Variants in JAKMIP1 observed in about 807,000 individuals in gnomAD.
JAKMIP1 encodes janus kinase and microtubule interacting protein 1.
In JAKMIP1, 33 loss-of-function variants were observed where a neutral mutation model predicts 113.0. The ratio of observed to expected loss-of-function variants is 0.29; its 90% CI spans 0.22 to 0.39. The LOEUF (loss-of-function observed/expected upper bound fraction) is 0.39, where lower values mean the gene tolerates loss of function less well. JAKMIP1 is among the 10% of genes least tolerant of loss of function. The pLI, the probability that JAKMIP1 is intolerant of heterozygous loss-of-function variation, is 1.00. For synonymous variants in JAKMIP1, 480 were observed against 459.9 expected, an observed-to-expected ratio of 1.04 and a Z score of -0.56; for missense variants, 813 against 1,080.5, an observed-to-expected ratio of 0.75 and a Z score of 3.47.
chr4:6,063,195 T>G (rs1717561910), intron 9 of JAKMIP1, among the ~76,000 whole-genome samples: 2 of 150,858 alleles, frequency 1.3e-5, no homozygotes, highest in South Asian at 4.2e-4. Context: ...ACGAAGGAGC[T>G]CCATGCATGG....
In JAKMIP1 at chr4:6,040,487, C is replaced by T. The variant is rs1033151025; in HGVS notation, c.2175+152G>A. The stretch of plus-strand genomic sequence containing the variant: ...GATTTGGAAAAAGGGACAGTCTGTA[C>T]GGTCATTCCAGTCACAAGGTGGAGA... On this transcript the variant is annotated intron_variant, in intron 18 of 20. Transcript: ENST00000409021. The surrounding 1 kb of genome is among the most constrained non-coding windows in gnomAD (Gnocchi z 5.8). Among the ~76,000 whole-genome samples, 16 of 152,172 alleles carry T rather than the reference C, an allele frequency of 1.1e-4. No individual in the cohort carries two copies. Among genetic ancestry groups the T allele is most frequent in the African/African-American group, 3.9e-4 (16 of 41,448 alleles).
In JAKMIP1 at chr4:6,080,984, T is replaced by TTTACACACACACACACAC. The variant is rs71640240; in HGVS notation, c.1101+624_1101+625insGTGTGTGTGTGTGTGTAA. Among the ~76,000 whole-genome samples, 4 of 140,982 alleles carry TTTACACACACACACACAC rather than the reference T, an allele frequency of 2.8e-5. No individual in the cohort carries two copies. Among genetic ancestry groups the TTTACACACACACACACAC allele is most frequent in the Non-Finnish European group, 6.1e-5 (4 of 66,100 alleles). The allele number at this position is 140,982 out of a possible 152,430, so 92.5% of individuals were successfully genotyped here. The stretch of plus-strand genomic sequence containing the variant: ...GGAGAGGACTTCACACAACAGCAAT[T>TTTACACACACACACACAC]ACACACACACACACACACACACACA... On this transcript the variant is annotated intron_variant, in intron 6 of 20. Coordinates refer to ENST00000409021, the MANE Select transcript of JAKMIP1 (RefSeq NM_001099433.2). The surrounding 1 kb of genome is among the most constrained non-coding windows in gnomAD (Gnocchi z 6.0).
intron 13 of JAKMIP1, among the ~76,000 whole-genome samples, chr4:6,052,592 G>C (rs888544194): frequency 5.0e-4 from 72 of 144,392 alleles, no homozygotes; most frequent in African/African-American, 1.8e-3. Context: ...GTTGCAGTGA[G>C]CCAAGAGTGC....
intron 1 of JAKMIP1, among the ~76,000 whole-genome samples, chr4:6,145,634 A>G (rs10937704): frequency 0.49 from 75,180 of 152,132 alleles, 22,341 homozygotes; most frequent in East Asian, 0.79. Context: ...GAAACAACCT[A>G]TATTTGTGTG....
chr4:6,115,764 A>G (rs1418188582), intron 1 of JAKMIP1, among the ~76,000 whole-genome samples: 1 of 152,216 alleles, frequency 6.6e-6, no homozygotes, highest in African/African-American at 2.4e-5. Context: ...GCCAGGAAGG[A>G]CACCACTAAA....
intron 1 of JAKMIP1, among the ~76,000 whole-genome samples, chr4:6,132,647 T>TAAA (rs71646639): frequency 0.19 from 22,443 of 117,310 alleles, 1,900 homozygotes; most frequent in East Asian, 0.52. Context: ...GCCTCAAAAA[T>TAAA]AAAAAAAAAA....
chr4:6,148,457 T>G (rs1417047255), intron 1 of JAKMIP1, among the ~76,000 whole-genome samples: 1 of 152,252 alleles, frequency 6.6e-6, no homozygotes, highest in Non-Finnish European at 1.5e-5. Context: ...TTCCCCACAG[T>G]CCTTCGAGAT....
chr4:6,125,551 C>T (rs1031699862), intron 1 of JAKMIP1, among the ~76,000 whole-genome samples: 1 of 151,696 alleles, frequency 6.6e-6, no homozygotes, highest in African/African-American at 2.4e-5. Context: ...CACAAACATG[C>T]AGGTACCATA....
At chr4:6,160,322 A>T (rs1213343634) in intron 1 of JAKMIP1, among the ~76,000 whole-genome samples, 1 of 152,246 alleles carries the variant, frequency 6.6e-6, no homozygotes, top group African/African-American at 2.4e-5. Flanking sequence ...TCTTTCCTCT[A>T]TACCAGCAAC....
chr4:6,118,020 C>T (rs1024860863), intron 1 of JAKMIP1, among the ~76,000 whole-genome samples: 3 of 152,174 alleles, frequency 2.0e-5, no homozygotes, highest in African/African-American at 7.2e-5. Context: ...TGAGACGATA[C>T]ATATCCTTCT....
chr4:6,045,896 G>A (rs571383842), intron 16 of JAKMIP1, among the ~76,000 whole-genome samples: 2 of 152,272 alleles, frequency 1.3e-5, no homozygotes, highest in South Asian at 4.1e-4. Context: ...GCCTCTAAGG[G>A]AACATTGACA....
rs949212495 is a variant in JAKMIP1 at position 6,156,718 on chromosome 4, T to C, written c.-148+43535A>G. On this transcript the variant is annotated intron_variant, in intron 1 of 20. Coordinates refer to ENST00000409021, the MANE Select transcript of JAKMIP1 (RefSeq NM_001099433.2). The surrounding 1 kb of genome is among the most constrained non-coding windows in gnomAD (Gnocchi z 5.0). ...ATCTCCTTCATTGAAGGCTGTAGGATGTACAAGAAAGGTCAGTTCTGGGCT... is the reference window on the plus strand; with the variant it reads ...ATCTCCTTCATTGAAGGCTGTAGGACGTACAAGAAAGGTCAGTTCTGGGCT... 6.6e-6 allele frequency among the ~76,000 whole-genome samples: 1 copy of C among 152,210 alleles called. No homozygotes were observed. The highest frequency in any genetic ancestry group is 2.4e-5 in the African/African-American group (1 of 41,452).
At position 6,069,295 on chromosome 4, in the gene JAKMIP1, T is replaced by C. The variant is rs976252070; in HGVS notation, c.1303-4287A>G. Among the ~76,000 whole-genome samples the C allele has an allele frequency of 6.6e-6, 1 of 152,254 alleles. No individual in the cohort carries two copies. Among genetic ancestry groups the C allele is most frequent in the African/African-American group, 2.4e-5 (1 of 41,472 alleles). On this transcript the variant is annotated intron_variant, in intron 8 of 20. Transcript: ENST00000409021. The surrounding 1 kb of genome is among the most constrained non-coding windows in gnomAD (Gnocchi z 4.5). ...CACTCTTCTAAGAGTCTCTAGGTTT[T>C]TCCTCACAAGAGATACATTAGGAGC...
chr4:6,039,270 T>A (rs950025927), intron 18 of JAKMIP1, among the ~76,000 whole-genome samples: 2 of 152,156 alleles, frequency 1.3e-5, no homozygotes, highest in African/African-American at 4.8e-5. Flanking sequence ...TTTTGGGAAA[T>A]GCCAGTTCTG....
intron 20 of JAKMIP1, among the ~76,000 whole-genome samples, chr4:6,027,353 C>T (rs1444829834): frequency 1.3e-5 from 2 of 152,156 alleles, no homozygotes; most frequent in Non-Finnish European, 2.9e-5. Context: ...CATTGGAAGT[C>T]AGAGCTAGAA....
intron 1 of JAKMIP1, among the ~76,000 whole-genome samples, chr4:6,115,563 A>G (rs770236358): frequency 5.3e-5 from 8 of 152,248 alleles, no homozygotes; most frequent in Non-Finnish European, 7.3e-5. Context: ...GAAAGGACAT[A>G]GCAGCCACGC....
chr4:6,041,131 T>C (rs185851100), intron 17 of JAKMIP1, among the ~76,000 whole-genome samples: 85 of 152,224 alleles, frequency 5.6e-4, no homozygotes, highest in Middle Eastern at 6.8e-3. Flanking sequence ...CACCTCCCGA[T>C]TGGTCTCACT....
intron 12 of JAKMIP1, 139 bp from the exon 13 acceptor site, chr4:6,054,287 A>C (rs1452570167): frequency 3.7e-5 from 29 of 779,800 alleles, no homozygotes; most frequent in Non-Finnish European, 5.7e-5. Flanking sequence ...CAGGGTTTGC[A>C]GCAAGCAAAC....
rs776047459 is a variant in JAKMIP1, at chr4:6,093,480, T to C, written c.625-7851A>G. Reference sequence around the variant, plus strand: ...AGTGTCCAGCTCCCATTAAACTGATTGTTTACTATTAACATGCAGCAATTA... The same window carrying C: ...AGTGTCCAGCTCCCATTAAACTGATCGTTTACTATTAACATGCAGCAATTA... On this transcript the variant is annotated intron_variant, in intron 3 of 20. Coordinates refer to ENST00000409021, the MANE Select transcript of JAKMIP1 (RefSeq NM_001099433.2). The surrounding 1 kb of genome is among the most constrained non-coding windows in gnomAD (Gnocchi z 4.6). Among the ~76,000 whole-genome samples the C allele has an allele frequency of 5.9e-5, 9 of 152,176 alleles. No individual in the cohort carries two copies. Among genetic ancestry groups the C allele is most frequent in the Non-Finnish European group, 1.2e-4 (8 of 68,040 alleles).
Sources: gnomAD v4.1 joint callset for allele counts (sites outside exome capture counted in the v4.1 genomes callset) on GRCh38, gnomAD v4.1.1 for gene constraint, Gnocchi (gnomAD v3.1) non-coding constraint, MANE v1.5 for transcripts, NCBI Gene and HGNC (gene_info 2026-07-23, HGNC 2026-07-21) for gene names.